KCNQ3: variants seen among roughly 807,000 people sequenced by gnomAD.
KCNQ3 encodes the protein potassium voltage-gated channel subfamily Q member 3.
KCNQ3 carries 30 observed loss-of-function variants against 92.5 expected under a neutral mutation model. That is an observed-to-expected ratio of 0.32 (90% confidence interval 0.24 to 0.44). The LOEUF (loss-of-function observed/expected upper bound fraction) is 0.44. Among genes scored for constraint, KCNQ3 ranks in the 20% least tolerant of loss-of-function variants. The pLI, the probability that KCNQ3 is intolerant of heterozygous loss-of-function variation, is 1.00. For missense variants in KCNQ3, 913 were observed against 1,140.3 expected, an observed-to-expected ratio of 0.80 and a Z score of 2.87; for synonymous variants, 450 against 468.8, an observed-to-expected ratio of 0.96 and a Z score of 0.52.
At chr8:132,479,985 CA>C (rs1563925541) in intron 1 of KCNQ3, among the ~76,000 whole-genome samples, 161 bp downstream of exon 1, 31 of 152,006 alleles carry the variant, frequency 2.0e-4, no homozygotes, top group African/African-American at 3.6e-4. Flanking sequence ...CACACACACA[CA>C]CACACACCCA....
chr8:132,388,587 GA>G (rs1819961702), intron 1 of KCNQ3, among the ~76,000 whole-genome samples: 1 of 152,094 alleles, frequency 6.6e-6, no homozygotes, highest in Non-Finnish European at 1.5e-5. Context: ...TGTATAGCAT[GA>G]CTTAGATTTG....
intron 1 of KCNQ3, among the ~76,000 whole-genome samples, chr8:132,429,110 C>T (rs796252131): frequency 1.2e-4 from 19 of 152,332 alleles, no homozygotes; most frequent in African/African-American, 4.6e-4. Context: ...TAAGTACCTT[C>T]CCCAGCATTC....
chr8:132,217,730 A>AAC (rs397815613), intron 1 of KCNQ3, among the ~76,000 whole-genome samples: 1 of 150,396 alleles, frequency 6.6e-6, no homozygotes, highest in African/African-American at 2.5e-5. Flanking sequence ...AAAAAAAAAA[A>AAC]CAAAACACTG....
In KCNQ3 at chr8:132,335,773, G is replaced by C. The variant is rs538771662; in HGVS notation, c.386+144374C>G. The stretch of plus-strand genomic sequence containing the variant: ...GCTATGGGGTATGCTGTCGGGGGAA[G>C]GGGTGGAAGAAGCAAAGTTGGGGAA... On this transcript the variant is annotated intron_variant, in intron 1 of 14. Transcript: ENST00000388996. Among the ~76,000 whole-genome samples, 8 of 152,316 alleles carry C rather than the reference G, an allele frequency of 5.3e-5. No individual in the cohort carries two copies. In the South Asian group the frequency reaches 6.2e-4, roughly 12 times the overall value.
chr8:132,430,739 C>T, intron 1 of KCNQ3, among the ~76,000 whole-genome samples: 1 of 152,186 alleles, frequency 6.6e-6, no homozygotes. Context: ...CGCAGTGTAC[C>T]TCTCCCTACA....
At chr8:132,354,476 A>G (rs1173398919) in intron 1 of KCNQ3, among the ~76,000 whole-genome samples, 1 of 152,192 alleles carries the variant, frequency 6.6e-6, no homozygotes, top group Non-Finnish European at 1.5e-5. Context: ...TGAGTGTTTC[A>G]TGGCCCTGAA....
chr8:132,171,064 G>C (rs1826328298), intron 7 of KCNQ3, among the ~76,000 whole-genome samples: 1 of 151,830 alleles, frequency 6.6e-6, no homozygotes, highest in Non-Finnish European at 1.5e-5. Flanking sequence ...ACAGAAACAA[G>C]TGCCACTCTT....
intron 1 of KCNQ3, among the ~76,000 whole-genome samples, chr8:132,247,524 C>T (rs766319590): frequency 3.3e-5 from 5 of 152,184 alleles, no homozygotes; most frequent in Admixed American, 6.5e-5. Flanking sequence ...CAGTGGCTCA[C>T]GCCTGTAATC....
rs1166030249 is a variant in KCNQ3, at chr8:132,122,761, G to A, written c.*6501C>T. Reference sequence around the variant, plus strand: ...ACATCCTACCACAGGGATTCACAAGGACTGCTGGGGAGCCCTGCCAAATTC... The same window carrying A: ...ACATCCTACCACAGGGATTCACAAGAACTGCTGGGGAGCCCTGCCAAATTC... On this transcript the variant is annotated 3_prime_UTR_variant, in exon 15 of 15. Coordinates refer to ENST00000388996, the MANE Select transcript of KCNQ3 (RefSeq NM_004519.4). The A allele has an allele frequency of 6.6e-6, 1 of 152,190 alleles. No homozygotes were observed. The highest frequency in any genetic ancestry group is 1.5e-5 in the Non-Finnish European group (1 of 68,046). 9.4% of individuals were successfully genotyped at this position (152,190 alleles called of 1,614,324 possible). A position where few individuals can be genotyped will look rare whatever the true frequency, so the allele number is the denominator to read the frequency against.
chr8:132,386,741 C>A (rs1439538959), intron 1 of KCNQ3, among the ~76,000 whole-genome samples: 1 of 152,006 alleles, frequency 6.6e-6, no homozygotes, highest in African/African-American at 2.4e-5. Context: ...TAATTTTTTT[C>A]TTTCACTTAT....
intron 14 of KCNQ3, among the ~76,000 whole-genome samples, chr8:132,131,283 A>G (rs1824868297): frequency 6.6e-6 from 1 of 152,220 alleles, no homozygotes. Flanking sequence ...GATTACTATG[A>G]TCCTTGAAAA....
chr8:132,337,752 A>G lies in KCNQ3; in HGVS notation c.386+142395T>C, dbSNP rs146314502. On this transcript the variant is annotated intron_variant, in intron 1 of 14. Coordinates refer to ENST00000388996, the MANE Select transcript of KCNQ3 (RefSeq NM_004519.4). Reference sequence around the variant, plus strand: ...AAATGCATTTGCCCTCAATGTGAGGATAAAAATCAATGTGCCTAGGCCCAT... The same window carrying G: ...AAATGCATTTGCCCTCAATGTGAGGGTAAAAATCAATGTGCCTAGGCCCAT... Among the ~76,000 whole-genome samples, 762 of 152,304 alleles carry G rather than the reference A, an allele frequency of 5.0e-3. 7 individuals carry two copies. The highest frequency in any genetic ancestry group is 0.018 in the African/African-American group (740 of 41,564).
chr8:132,321,416 C>T (rs1321562522), intron 1 of KCNQ3: 1 of 152,590 alleles, frequency 6.6e-6, no homozygotes, highest in Admixed American at 6.5e-5. Flanking sequence ...TTTTCTCCTC[C>T]AACCTCCAAC....
At chr8:132,176,069 C>T (rs1435447589) in intron 4 of KCNQ3, among the ~76,000 whole-genome samples, 1 of 152,186 alleles carries the variant, frequency 6.6e-6, no homozygotes, top group African/African-American at 2.4e-5. Flanking sequence ...TGGGCAAATT[C>T]TCCTCTTCTC....
At chr8:132,435,115 C>G (rs1369683968) in intron 1 of KCNQ3, among the ~76,000 whole-genome samples, 1 of 152,208 alleles carries the variant, frequency 6.6e-6, no homozygotes, top group Non-Finnish European at 1.5e-5. Context: ...TGGGGGACAG[C>G]AGCCCCTACA....
At chr8:132,308,630 A>ATTC (rs1817505240) in intron 1 of KCNQ3, among the ~76,000 whole-genome samples, 1 of 152,194 alleles carries the variant, frequency 6.6e-6, no homozygotes, top group Non-Finnish European at 1.5e-5. Flanking sequence ...AATTATTATT[A>ATTC]TTACCATCAA....
At chr8:132,174,625 G>A (rs538310853) in intron 5 of KCNQ3, among the ~76,000 whole-genome samples, 55 of 152,288 alleles carry the variant, frequency 3.6e-4, no homozygotes, top group Non-Finnish European at 5.4e-4. Flanking sequence ...GTGTATATTT[G>A]TGAATTTGTG....
chr8:132,439,857 C>T (rs527456755), intron 1 of KCNQ3, among the ~76,000 whole-genome samples: 1 of 152,270 alleles, frequency 6.6e-6, no homozygotes, highest in East Asian at 1.9e-4. Flanking sequence ...CAAATTTACA[C>T]TGCTTTAAGC....
At chr8:132,173,845 C>A (rs1826461711) in intron 6 of KCNQ3, among the ~76,000 whole-genome samples, 1 of 152,226 alleles carries the variant, frequency 6.6e-6, no homozygotes, top group African/African-American at 2.4e-5. Flanking sequence ...GAAGGACCTG[C>A]TCCGTGCAAG....
Sources: allele counts gnomAD v4.1 joint callset (sites outside exome capture counted in the v4.1 genomes callset), GRCh38; gene constraint gnomAD v4.1.1; transcripts MANE v1.5; gene names NCBI Gene and HGNC (gene_info 2026-07-23, HGNC 2026-07-21).